Variants in GPAM observed in about 807,000 individuals in gnomAD.
The protein encoded by GPAM is glycerol-3-phosphate acyltransferase, mitochondrial, also known as glycerol-3-phosphate acyltransferase 1, mitochondrial.
A neutral mutation model predicts 105.0 loss-of-function variants in GPAM; 56 were observed. That is an observed-to-expected ratio of 0.53 (90% CI 0.43 to 0.67). The LOEUF (loss-of-function observed/expected upper bound fraction) is 0.67. Ranked by LOEUF, GPAM falls within the 30% of genes least tolerant of loss-of-function variation. The pLI is 0.00. For missense variants in GPAM, 855 were observed against 989.8 expected (o/e 0.86, Z 1.83); for synonymous variants, 368 against 354.4 (o/e 1.04, Z -0.43).
At chr10:112,199,129 GTATT>G (rs1847762485) in intron 1 of GPAM, among the ~76,000 whole-genome samples, 1 of 146,332 alleles carries the variant, frequency 6.8e-6, no homozygotes, top group East Asian at 2.0e-4. Flanking sequence ...GTGTGTGTGT[GTATT>G]TTAGTAGAGA....
the GPAM span, among the ~76,000 whole-genome samples, chr10:112,225,758 T>C: frequency 3.3e-5 from 5 of 152,220 alleles, no homozygotes; most frequent in Non-Finnish European, 7.3e-5. Context: ...TGAATCATCA[T>C]AAAACATTGC....
Position 112,212,265 on chromosome 10 carries a change from G to A in GPAM, n.210+2903C>T, listed in dbSNP as rs58056611. 4.9e-3 allele frequency among the ~76,000 whole-genome samples: 745 copies of A among 152,198 alleles called. 8 individuals are homozygous for A. Among genetic ancestry groups the A allele is most frequent in the Admixed American group, 0.02 (300 of 15,302 alleles). On this transcript the variant is annotated intron_variant and non_coding_transcript_variant, in intron 1 of 3. Transcript: ENST00000480130. ...TGGTGCAAAAGTAATTCCGGTTTTC[G>A]CTGTTACTTTTTTTTTACACGGAGT...
intron 1 of GPAM, among the ~76,000 whole-genome samples, chr10:112,199,460 G>A (rs889972801): frequency 2.0e-5 from 3 of 152,100 alleles, no homozygotes; most frequent in African/African-American, 7.2e-5. Context: ...GTAAGTTCCT[G>A]GAGATCTCTT....
rs754553306 is a variant in GPAM at position 112,160,885 on chromosome 10, A to G, written c.1495-17T>C. ...ATCAATTCCCTAAAGAAAGATGGAA[A>G]CGGTATCATGATGGTGGAAAACCTA... On this transcript the variant is annotated splice_polypyrimidine_tract_variant and intron_variant, in intron 15 of 21. Coordinates refer to ENST00000348367, the MANE Select transcript of GPAM (RefSeq NM_001244949.2). 6.2e-6 allele frequency: 10 copies of G among 1,610,200 alleles called. No homozygotes were observed. The South Asian group carries it at 7.7e-5, about 12-fold the overall frequency.
At chr10:112,209,788 A>C (rs1442207856) in intron 1 of GPAM, among the ~76,000 whole-genome samples, 3 of 152,222 alleles carry the variant, frequency 2.0e-5, no homozygotes, top group Non-Finnish European at 4.4e-5. Context: ...TTCCTGCAGA[A>C]TGTCCAGCCC....
intron 1 of GPAM, among the ~76,000 whole-genome samples, chr10:112,206,943 G>A (rs772028941): frequency 3.3e-5 from 5 of 151,656 alleles, no homozygotes; most frequent in Non-Finnish European, 7.4e-5. Flanking sequence ...CCATGAAGTA[G>A]ATGCCCCTTT....
upstream of GPAM, among the ~76,000 whole-genome samples, chr10:112,216,070 T>C (rs1306104939): frequency 6.6e-6 from 1 of 152,142 alleles, no homozygotes; most frequent in African/African-American, 2.4e-5. Flanking sequence ...TTAAACACTG[T>C]CAGTCGCTTC....
intron 20 of GPAM, 47 bp downstream of exon 20, chr10:112,155,816 CA>C (rs5787948): frequency 0.049 from 49,621 of 1,017,132 alleles, no homozygotes; most frequent in Middle Eastern, 0.066. Flanking sequence ...TTCTGAAATC[CA>C]AAAAAAAAAA....
chr10:112,212,820 A>C (rs1847927282), intron 1 of GPAM, among the ~76,000 whole-genome samples: 1 of 152,196 alleles, frequency 6.6e-6, no homozygotes, highest in Admixed American at 6.5e-5. Context: ...AGCCAGGGCA[A>C]AGCACTCAGC....
intron 9 of GPAM, among the ~76,000 whole-genome samples, chr10:112,171,484 C>G (rs931518215): frequency 6.6e-6 from 1 of 152,192 alleles, no homozygotes; most frequent in Non-Finnish European, 1.5e-5. Flanking sequence ...AAGTACAGGA[C>G]AGACTCTAAT....
intron 4 of GPAM, 37 bp downstream of exon 4, chr10:112,180,436 G>C (rs1409602387): frequency 6.2e-7 from 1 of 1,604,632 alleles, no homozygotes; most frequent in Non-Finnish European, 8.5e-7. Context: ...AATATTTTAT[G>C]CTGAGTATTA....
At chr10:112,170,669 G>A (rs916641082) in intron 9 of GPAM, among the ~76,000 whole-genome samples, 1 of 152,128 alleles carries the variant, frequency 6.6e-6, no homozygotes, top group African/African-American at 2.4e-5. Flanking sequence ...CCTTGTTCCT[G>A]GAGAGAGGTC....
At chr10:112,167,122 A>G (rs1847232036) in intron 11 of GPAM, among the ~76,000 whole-genome samples, 4 of 152,152 alleles carry the variant, frequency 2.6e-5, no homozygotes. Flanking sequence ...CACAAGGAGA[A>G]GAGTGTCATA....
At chr10:112,211,732 T>G (rs1185024779) in intron 1 of GPAM, among the ~76,000 whole-genome samples, 1 of 152,184 alleles carries the variant, frequency 6.6e-6, no homozygotes, top group Non-Finnish European at 1.5e-5. Context: ...GAACACAGAA[T>G]CTGTACTCTC....
chr10:112,152,786 T>C lies in GPAM; in HGVS notation c.*764A>G. Reference sequence around the variant, plus strand: ...TGGTCATTTGAAACTCAATGGCACTTGTTTATATGAGCAAAAGCCTTCAAC... The same window carrying C: ...TGGTCATTTGAAACTCAATGGCACTCGTTTATATGAGCAAAAGCCTTCAAC... On this transcript the variant is annotated 3_prime_UTR_variant, in exon 22 of 22. Coordinates refer to ENST00000348367, the MANE Select transcript of GPAM (RefSeq NM_001244949.2). 2 of 718,882 alleles carry C rather than the reference T, an allele frequency of 2.8e-6. No individual in the cohort carries two copies. The highest frequency in any genetic ancestry group is 3.4e-6 in the Non-Finnish European group (2 of 586,708). The allele number at this position is 718,882 out of a possible 1,614,324, so 44.5% of individuals were successfully genotyped here.
At position 112,175,655 on chromosome 10, in the gene GPAM, C is replaced by T. The variant is rs1441400833; in HGVS notation, c.358G>A (p.Val120Met). ...SYVLFIQERD[V>M]HKGMFATNVT... ...TTGGTGGCAAACATGCCCTTATGCA[C>T]ATCTCGCTCTTGAATAAAAAGAACG... The change falls in exon 6 of 22, where the codon GTG becomes ATG. Residue 120 changes from valine to methionine, a missense_variant. Val to Met is a conservative substitution (Grantham distance 21). Transcript: ENST00000348367. The T allele has an allele frequency of 1.2e-6, 2 of 1,613,490 alleles. No homozygotes were observed. The highest frequency in any genetic ancestry group is 3.3e-5 in the Admixed American group (2 of 60,016).
chr10:112,164,642 C>T (rs1285390577), intron 12 of GPAM, 32 bp from the exon 13 acceptor site: 2 of 1,147,992 alleles, frequency 1.7e-6, no homozygotes, highest in Non-Finnish European at 2.7e-6. Context: ...GATCATTTAC[C>T]CTCACTTTCG....
At chr10:112,160,493 C>G in intron 16 of GPAM, 111 bp downstream of exon 16, 3 of 1,248,304 alleles carry the variant, frequency 2.4e-6, no homozygotes, top group Non-Finnish European at 3.4e-6. Context: ...ATTATAGCCA[C>G]ATTCCCTCAA....
Position 112,156,472 on chromosome 10 carries a change from T to C in GPAM, c.2122-419A>G, listed in dbSNP as rs562967789. 9.5e-5 allele frequency: 26 copies of C among 273,032 alleles called. No individual in the cohort carries two copies. The East Asian group carries it at 2.4e-3, about 25-fold the overall frequency. 16.9% of individuals were successfully genotyped at this position (273,032 alleles called of 1,614,324 possible). The stretch of plus-strand genomic sequence containing the variant: ...ACCACCAAGATTATCTCACTCCTTC[T>C]GCAGCACCTATTCCCTGCCTCCCCT... On this transcript the variant is annotated intron_variant, in intron 19 of 21. Transcript: ENST00000348367.
Sources: gnomAD v4.1 joint callset for allele counts (sites outside exome capture counted in the v4.1 genomes callset) on GRCh38, gnomAD v4.1.1 for gene constraint, MANE v1.5 for transcripts, NCBI Gene and HGNC (gene_info 2026-07-23, HGNC 2026-07-21) for gene names.